Variants in CDH13 observed in about 807,000 individuals in gnomAD.
The protein encoded by CDH13 is cadherin 13, also known as cadherin-13.
CDH13 carries 24 observed loss-of-function variants against 63.8 expected under a neutral mutation model. That is an observed-to-expected ratio of 0.38 (90% CI 0.27 to 0.53). The LOEUF (loss-of-function observed/expected upper bound fraction) is 0.53, where lower values mean the gene tolerates loss of function less well. Ranked by LOEUF, CDH13 falls within the 20% of genes least tolerant of loss-of-function variation. CDH13 has a pLI of 0.85. For missense variants in CDH13, 1,049 were observed against 903.1 expected, an observed-to-expected ratio of 1.16 and a Z score of -2.07; for synonymous variants, 503 against 355.3, an observed-to-expected ratio of 1.42 and a Z score of -4.67.
At chr16:82,747,656 C>G (rs1164763269) in intron 1 of CDH13, among the ~76,000 whole-genome samples, 4 of 152,180 alleles carry the variant, frequency 2.6e-5, no homozygotes, top group Non-Finnish European at 5.9e-5. Context: ...TGCTTTAATG[C>G]TTACGAGAGT....
intron 4 of CDH13, among the ~76,000 whole-genome samples, chr16:83,165,014 C>G (rs1248162974): frequency 6.6e-6 from 1 of 151,062 alleles, no homozygotes; most frequent in Non-Finnish European, 1.5e-5. Context: ...TTGGCCAGCA[C>G]ACTCTCTGCC....
At chr16:83,455,379 T>C (rs1219146994) in intron 6 of CDH13, among the ~76,000 whole-genome samples, 1 of 152,204 alleles carries the variant, frequency 6.6e-6, no homozygotes. Context: ...GTGTGATCAC[T>C]GGCCCACCTG....
intron 5 of CDH13, among the ~76,000 whole-genome samples, chr16:83,290,216 A>C (rs1289773315): frequency 6.6e-6 from 1 of 152,144 alleles, no homozygotes; most frequent in Non-Finnish European, 1.5e-5. Context: ...ATTCTATTTT[A>C]ATTGTTAGTA....
rs548882479 is a variant in CDH13, at chr16:83,551,314, G to A, written c.961-51140G>A. Among the ~76,000 whole-genome samples the A allele has an allele frequency of 1.3e-5, 2 of 152,102 alleles. 1 individual carries two copies. Among genetic ancestry groups the A allele is most frequent in the East Asian group, 3.9e-4 (2 of 5,190 alleles). ...GCAGGTGACCCCAAGTGATCCACCT[G>A]CCTCGGCCTCCCATAGTGCTGGGAT... On this transcript the variant is annotated intron_variant, in intron 7 of 13. Coordinates refer to ENST00000567109, the MANE Select transcript of CDH13 (RefSeq NM_001257.5).
At chr16:83,423,488 G>A (rs2071779912) in intron 6 of CDH13, among the ~76,000 whole-genome samples, 1 of 147,526 alleles carries the variant, frequency 6.8e-6, no homozygotes, top group Non-Finnish European at 1.5e-5. Flanking sequence ...ATCCCTGACA[G>A]CATTTAAAAA....
At chr16:83,746,821 G>A (rs1359127345) in intron 10 of CDH13, among the ~76,000 whole-genome samples, 13 of 152,194 alleles carry the variant, frequency 8.5e-5, no homozygotes, top group Non-Finnish European at 1.6e-4. Flanking sequence ...GTCATGCCCA[G>A]TTGAGTCTCC....
intron 8 of CDH13, among the ~76,000 whole-genome samples, chr16:83,669,426 A>G (rs1914306041): frequency 6.6e-6 from 1 of 152,172 alleles, no homozygotes. Flanking sequence ...AGAAGAGAAG[A>G]TAGAAGATAG....
chr16:83,353,161 A>T (rs1400492888), intron 6 of CDH13, among the ~76,000 whole-genome samples: 1 of 152,242 alleles, frequency 6.6e-6, no homozygotes, highest in East Asian at 1.9e-4. Flanking sequence ...AAAAGCCAAG[A>T]CGTCAGCACT....
At chr16:82,911,948 T>C (rs1031273779) in intron 2 of CDH13, among the ~76,000 whole-genome samples, 2 of 152,012 alleles carry the variant, frequency 1.3e-5, no homozygotes, top group Non-Finnish European at 2.9e-5. Flanking sequence ...CGGCACTTGC[T>C]GACTCCTCTC....
chr16:83,515,503 T>C (rs761701135), intron 7 of CDH13, among the ~76,000 whole-genome samples: 1 of 152,360 alleles, frequency 6.6e-6, no homozygotes, highest in South Asian at 2.1e-4. Flanking sequence ...AGAAACTTTA[T>C]ATCATGCTGT....
rs9934008 is a variant in CDH13 at position 83,647,417 on chromosome 16, G to C, written c.1102-23373G>C. On this transcript the variant is annotated intron_variant, in intron 8 of 13. Coordinates refer to ENST00000567109, the MANE Select transcript of CDH13 (RefSeq NM_001257.5). The stretch of plus-strand genomic sequence containing the variant: ...CCCAGGAGGCTTACCTTTCTGTTTT[G>C]TTTGTGAAAGTTTCTCCCCCATTTT... Among the ~76,000 whole-genome samples, 1,059 of 151,804 alleles carry C rather than the reference G, an allele frequency of 7.0e-3. 10 individuals carry two copies. Among genetic ancestry groups the C allele is most frequent in the African/African-American group, 0.024 (1,011 of 41,380 alleles).
chr16:83,027,179 A>C (rs1006050788), intron 2 of CDH13, among the ~76,000 whole-genome samples: 5 of 144,466 alleles, frequency 3.5e-5, no homozygotes, highest in Admixed American at 7.0e-5. Flanking sequence ...GTAACTGAGC[A>C]AAGTGGAATT....
chr16:83,626,884 G>C (rs1232492911), intron 8 of CDH13, among the ~76,000 whole-genome samples: 2 of 152,124 alleles, frequency 1.3e-5, no homozygotes, highest in Non-Finnish European at 2.9e-5. Context: ...CGCTGCGCCT[G>C]TGCTGTCTGG....
intron 7 of CDH13, among the ~76,000 whole-genome samples, chr16:83,544,237 G>T (rs1474103352): frequency 6.6e-6 from 1 of 152,100 alleles, no homozygotes; most frequent in African/African-American, 2.4e-5. Flanking sequence ...TGTCATATAG[G>T]GTGGAGTGTT....
chr16:82,653,692 T>C (rs959287860), intron 1 of CDH13, among the ~76,000 whole-genome samples: 3 of 152,146 alleles, frequency 2.0e-5, no homozygotes, highest in Non-Finnish European at 4.4e-5. Flanking sequence ...GCATGTCATG[T>C]TGAGAAACTT....
At chr16:83,049,379 G>C (rs542075644) in intron 3 of CDH13, among the ~76,000 whole-genome samples, 2 of 146,026 alleles carry the variant, frequency 1.4e-5, no homozygotes, top group Non-Finnish European at 3.0e-5. Flanking sequence ...CCCAGGTTGG[G>C]GTTGGAGTGC....
rs144536952 is a variant in CDH13 at position 82,788,401 on chromosome 16, G to A, written c.46-69961G>A. 5.6e-3 allele frequency among the ~76,000 whole-genome samples: 854 copies of A among 152,268 alleles called. 4 individuals are homozygous for A. The highest frequency in any genetic ancestry group is 0.011 in the Admixed American group (175 of 15,300). ...GCCTCCTGGACGACCGCCCTGATGT[G>A]GTCCACGTGACTCTTAACAGGTATC... On this transcript the variant is annotated intron_variant, in intron 1 of 13. Transcript: ENST00000567109.
intron 5 of CDH13, among the ~76,000 whole-genome samples, chr16:83,238,223 T>A (rs1471236430): frequency 3.3e-5 from 5 of 149,570 alleles, no homozygotes; most frequent in East Asian, 2.0e-4. Flanking sequence ...GTAATTCATT[T>A]AAAAAAAAAA....
intron 1 of CDH13, among the ~76,000 whole-genome samples, chr16:82,775,872 T>C (rs1408259320): frequency 6.6e-6 from 1 of 152,108 alleles, no homozygotes; most frequent in Non-Finnish European, 1.5e-5. Flanking sequence ...TACTGATGGC[T>C]CTTTTTTTGT....
Sources: allele counts gnomAD v4.1 joint callset (sites outside exome capture counted in the v4.1 genomes callset), GRCh38; gene constraint gnomAD v4.1.1; transcripts MANE v1.5; gene names NCBI Gene and HGNC (gene_info 2026-07-23, HGNC 2026-07-21).